SAMD13: variants seen among roughly 807,000 people sequenced by gnomAD.
The protein encoded by SAMD13 is sterile alpha motif domain-containing protein 13.
A neutral mutation model predicts 12.4 loss-of-function variants in SAMD13; 9 were observed. The ratio of observed to expected loss-of-function variants is 0.72; its 90% CI spans 0.44 to 1.26. The LOEUF (loss-of-function observed/expected upper bound fraction) is 1.26. Among genes scored for constraint, SAMD13 ranks in the 50% most tolerant of loss-of-function variants. The pLI, the probability that SAMD13 is intolerant of heterozygous loss-of-function variation, is 0.00. For synonymous variants in SAMD13, 46 were observed against 45.4 expected (o/e 1.01, Z -0.05); for missense variants, 84 against 119.6 (o/e 0.70, Z 1.39).
At chr1:84,302,971 C>T in intron 1 of SAMD13, 1 of 371,656 alleles carries the variant, frequency 2.7e-6, no homozygotes, top group South Asian at 3.7e-5. Flanking sequence ...TTTGCAAATG[C>T]TTATTGTCAA....
At chr1:84,319,716 G>A (rs1678902616) in intron 2 of SAMD13, among the ~76,000 whole-genome samples, 1 of 152,132 alleles carries the variant, frequency 6.6e-6, no homozygotes, top group Non-Finnish European at 1.5e-5. Flanking sequence ...AGGAAAGGAG[G>A]CTGTTTGTAA....
At chr1:84,329,370 G>T (rs1679128538) in intron 3 of SAMD13, among the ~76,000 whole-genome samples, 1 of 152,164 alleles carries the variant, frequency 6.6e-6, no homozygotes, top group African/African-American at 2.4e-5. Flanking sequence ...TGGTATTGAT[G>T]GCAAACATGT....
At chr1:84,304,365 A>G (rs1678515058) in intron 2 of SAMD13, 1 of 152,164 alleles carries the variant, frequency 6.6e-6, no homozygotes, top group African/African-American at 2.4e-5. Context: ...TTCAACAATG[A>G]TGGAAATGTT....
chr1:84,325,162 T>C (rs1007776245), intron 2 of SAMD13, among the ~76,000 whole-genome samples: 8 of 152,042 alleles, frequency 5.3e-5, no homozygotes, highest in African/African-American at 1.9e-4. Context: ...TAGTTTTGTA[T>C]TGGTAGAAAT....
intron 3 of SAMD13, among the ~76,000 whole-genome samples, chr1:84,339,284 GTTTTTTAT>G (rs1378829427): frequency 6.6e-6 from 1 of 151,460 alleles, no homozygotes; most frequent in Non-Finnish European, 1.5e-5. Context: ...TGTTTTTTGT[GTTTTTTAT>G]TTTTTTATTT....
At chr1:84,301,361 G>A (rs72942037), upstream of SAMD13, among the ~76,000 whole-genome samples, 30,836 of 152,120 alleles carry the variant, frequency 0.2, 3,561 homozygotes, top group African/African-American at 0.3. Flanking sequence ...GGGGAGAAAA[G>A]GAAATAGTTT....
intron 3 of SAMD13, among the ~76,000 whole-genome samples, chr1:84,328,370 G>C (rs551746519): frequency 6.6e-6 from 1 of 152,142 alleles, no homozygotes; most frequent in African/African-American, 2.4e-5. Flanking sequence ...CTGCCAACTC[G>C]GAAGCCTGAG....
chr1:84,301,595 G>T (rs918962290), upstream of SAMD13: 1 of 985,386 alleles, frequency 1.0e-6, no homozygotes, highest in Non-Finnish European at 1.2e-6. Context: ...TAAAAAGTCA[G>T]CCATGAACCA....
At chr1:84,331,131 G>A (rs1444606816) in intron 3 of SAMD13, among the ~76,000 whole-genome samples, 1 of 151,734 alleles carries the variant, frequency 6.6e-6, no homozygotes, top group African/African-American at 2.4e-5. Flanking sequence ...GCTACATATT[G>A]CCAAGTAATA....
chr1:84,349,759 G>C lies in SAMD13; in HGVS notation c.294G>C (p.Lys98Asn). ...AACCTCTGCAGACAAAGCATTTAAA[G>C]AACAACTCTTCATAGTACAGTCAAA... is the stretch of plus-strand genomic sequence containing the variant. ...HVKPLQTKHL[K>N]NNSS Residue 98 changes from lysine (K) to asparagine (N), a missense_variant, in exon 4 of 4, where the codon AAG becomes AAC. Lys to Asn is a moderately conservative substitution (Grantham distance 94). Coordinates refer to ENST00000394834, the MANE Select transcript of SAMD13 (RefSeq NM_001134663.2). 6.2e-7 allele frequency: 1 copy of C among 1,613,106 alleles called. No homozygotes were observed. The highest frequency in any genetic ancestry group is 8.5e-7 in the Non-Finnish European group (1 of 1,179,492).
chr1:84,349,600 A>C, intron 3 of SAMD13, 31 bp from the exon 4 acceptor site: 1 of 1,606,482 alleles, frequency 6.2e-7, no homozygotes, highest in Non-Finnish European at 8.5e-7. Context: ...TTGGACTCAC[A>C]TGTTGGCTTT....
chr1:84,338,190 CT>C (rs903277455), intron 3 of SAMD13, among the ~76,000 whole-genome samples: 2 of 152,132 alleles, frequency 1.3e-5, no homozygotes, highest in Non-Finnish European at 2.9e-5. Context: ...TTTTGTGTAT[CT>C]TTTCAGCAAT....
chr1:84,312,974 C>A (rs1678746904), intron 2 of SAMD13, among the ~76,000 whole-genome samples: 2 of 152,012 alleles, frequency 1.3e-5, no homozygotes, highest in South Asian at 4.2e-4. Flanking sequence ...AGCTCTGAAT[C>A]ATATAGATAG....
intron 2 of SAMD13, among the ~76,000 whole-genome samples, chr1:84,314,682 G>A (rs2101796097): frequency 6.6e-6 from 1 of 152,236 alleles, no homozygotes; most frequent in East Asian, 1.9e-4. Context: ...GTGGAAAGGG[G>A]TGGGAGGGGG....
intron 2 of SAMD13, among the ~76,000 whole-genome samples, chr1:84,321,212 T>C (rs958482219): frequency 3.9e-5 from 6 of 152,170 alleles, no homozygotes; most frequent in Admixed American, 3.9e-4. Flanking sequence ...TTTCCTAGTG[T>C]GAATTATTCA....
upstream of SAMD13, chr1:84,298,583 G>A (rs1678365058): frequency 7.8e-7 from 1 of 1,285,454 alleles, no homozygotes. Flanking sequence ...TGATCTGCCT[G>A]TGCGCCCAGG....
At chr1:84,342,965 AG>A (rs1028319592) in intron 3 of SAMD13, among the ~76,000 whole-genome samples, 2 of 152,190 alleles carry the variant, frequency 1.3e-5, no homozygotes, top group African/African-American at 4.8e-5. Context: ...CATCTGACAA[AG>A]GTCTAATATC....
intron 2 of SAMD13, among the ~76,000 whole-genome samples, chr1:84,311,332 T>TAAAAAAAAAAAAAAA (rs757714939): frequency 8.9e-6 from 1 of 112,202 alleles, no homozygotes; most frequent in Non-Finnish European, 1.8e-5. Context: ...TGAGACTGTC[T>TAAAAAAAAAAAAAAA]AAAAAAAAAA....
intron 3 of SAMD13, among the ~76,000 whole-genome samples, chr1:84,330,443 G>T (rs901745274): frequency 6.6e-6 from 1 of 152,056 alleles, no homozygotes; most frequent in Non-Finnish European, 1.5e-5. Flanking sequence ...ATTTTACTTT[G>T]CTAAGAGCTT....
Sources: allele counts gnomAD v4.1 joint callset (sites outside exome capture counted in the v4.1 genomes callset), GRCh38; gene constraint gnomAD v4.1.1; transcripts MANE v1.5; gene names NCBI Gene and HGNC (gene_info 2026-07-23, HGNC 2026-07-21).